The following SLC45A4 variants were observed in gnomAD, a reference collection of about 807,000 sequenced individuals.
The protein encoded by SLC45A4 is polyamine-transporter SLC45A4.
Under a neutral mutation model 63.7 loss-of-function variants are expected in SLC45A4, and 32 were observed. The observed-to-expected ratio is 0.50, with a 90% CI of 0.38 to 0.67. SLC45A4 has a LOEUF of 0.67. Among genes scored for constraint, SLC45A4 ranks in the 30% least tolerant of loss-of-function variants. The pLI is 0.00. For missense variants in SLC45A4, 1,027 were observed against 1,157.7 expected (o/e 0.89, Z 1.64); for synonymous variants, 535 against 510.0 (o/e 1.05, Z -0.66).
chr8:141,297,706 T>C (rs1256396642), intron 1 of SLC45A4, among the ~76,000 whole-genome samples: 1 of 152,244 alleles, frequency 6.6e-6, no homozygotes. Context: ...CTGTGGACTT[T>C]CCATTTGCAG....
In SLC45A4 at chr8:141,221,547, G is replaced by C. The variant is rs752019116; in HGVS notation, c.430+30C>G. On this transcript the variant is annotated intron_variant, in intron 3 of 8. Coordinates refer to ENST00000517878, the MANE Select transcript of SLC45A4 (RefSeq NM_001286646.2). Reference sequence around the variant, plus strand: ...AGGGCCAGGACCCCGTCTGTGTTGTGAGGACACCAGGTGTGGCCGAGAAAC... The same window carrying C: ...AGGGCCAGGACCCCGTCTGTGTTGTCAGGACACCAGGTGTGGCCGAGAAAC... 3 of 1,602,108 alleles carry C rather than the reference G, an allele frequency of 1.9e-6. No individual in the cohort carries two copies. The South Asian group carries it at 3.3e-5, about 18-fold the overall frequency.
intron 1 of SLC45A4, among the ~76,000 whole-genome samples, chr8:141,268,550 G>A (rs1453948073): frequency 2.0e-5 from 3 of 152,114 alleles, no homozygotes; most frequent in African/African-American, 4.8e-5. Flanking sequence ...TGGGGGCAGG[G>A]GCACACGGGA....
chr8:141,281,046 G>A (rs914778520), intron 1 of SLC45A4, among the ~76,000 whole-genome samples: 1 of 152,236 alleles, frequency 6.6e-6, no homozygotes, highest in Non-Finnish European at 1.5e-5. Flanking sequence ...TTAAAAGTCT[G>A]AATCAGTCTC....
intron 2 of SLC45A4, among the ~76,000 whole-genome samples, chr8:141,238,994 G>A (rs1055624228): frequency 2.0e-5 from 3 of 152,222 alleles, no homozygotes; most frequent in African/African-American, 7.2e-5. Context: ...ATCCGAGTTA[G>A]TATAGGGAGG....
chr8:141,221,385 C>T (rs1034800353), intron 3 of SLC45A4, among the ~76,000 whole-genome samples, 192 bp downstream of exon 3: 26 of 152,388 alleles, frequency 1.7e-4, no homozygotes, highest in African/African-American at 5.0e-4. Context: ...CAGGTTCCTC[C>T]GGCTTTCCCA....
intron 2 of SLC45A4, chr8:141,228,088 C>T: frequency 1.3e-6 from 2 of 1,493,860 alleles, no homozygotes; most frequent in South Asian, 2.3e-5. Flanking sequence ...TGGAGTGGAG[C>T]TGTTGGGTGC....
intron 1 of SLC45A4, among the ~76,000 whole-genome samples, chr8:141,305,142 AC>A (rs1830861266): frequency 6.6e-6 from 1 of 152,206 alleles, no homozygotes; most frequent in Non-Finnish European, 1.5e-5. Flanking sequence ...GGAAAAGGCC[AC>A]TAGAAGCACA....
chr8:141,221,896 T>A, intron 2 of SLC45A4, 131 bp from the exon 3 acceptor site: 1 of 937,440 alleles, frequency 1.1e-6, no homozygotes, highest in Non-Finnish European at 1.6e-6. Context: ...GCTCAGGTTG[T>A]CTCCACGGGG....
intron 1 of SLC45A4, among the ~76,000 whole-genome samples, chr8:141,271,351 A>G (rs182314973): frequency 2.6e-5 from 4 of 152,216 alleles, no homozygotes; most frequent in Admixed American, 2.0e-4. Context: ...TCTGGAAGCC[A>G]TTTTTCCATC....
intron 1 of SLC45A4, among the ~76,000 whole-genome samples, chr8:141,290,562 G>A (rs571093128): frequency 7.9e-5 from 12 of 152,300 alleles, no homozygotes; most frequent in African/African-American, 1.9e-4. Context: ...CTGCAAATTC[G>A]GCCAGTTTCG....
At chr8:141,223,251 G>T (rs1313767112) in intron 2 of SLC45A4, among the ~76,000 whole-genome samples, 2 of 152,208 alleles carry the variant, frequency 1.3e-5, no homozygotes, top group African/African-American at 4.8e-5. Flanking sequence ...TTCCTACTCG[G>T]AGTCAGCAGA....
At chr8:141,219,121 G>A (rs918188954) in intron 4 of SLC45A4, 92 bp from the exon 5 acceptor site, 25 of 1,435,210 alleles carry the variant, frequency 1.7e-5, no homozygotes, top group Non-Finnish European at 2.1e-5. Flanking sequence ...ACAGGGGGCC[G>A]GGGCTGCCCT....
At chr8:141,217,928 G>GC in intron 5 of SLC45A4, 83 bp downstream of exon 5, 3 of 1,454,540 alleles carry the variant, frequency 2.1e-6, no homozygotes, top group Non-Finnish European at 2.7e-6. Context: ...CGAGGAAGAG[G>GC]CCCCCCGGCC....
At chr8:141,280,792 C>T (rs1342104575) in intron 1 of SLC45A4, among the ~76,000 whole-genome samples, 1 of 152,250 alleles carries the variant, frequency 6.6e-6, no homozygotes, top group African/African-American at 2.4e-5. Context: ...AACTGGAATC[C>T]TCCCCAACAG....
chr8:141,221,200 A>C (rs1403756991), intron 3 of SLC45A4, among the ~76,000 whole-genome samples: 3 of 152,286 alleles, frequency 2.0e-5, no homozygotes, highest in Non-Finnish European at 4.4e-5. Flanking sequence ...AGAAAACAAC[A>C]ACCAAGAAGG....
intron 3 of SLC45A4, among the ~76,000 whole-genome samples, chr8:141,220,151 C>A (rs1826514945): frequency 6.6e-6 from 1 of 152,228 alleles, no homozygotes; most frequent in South Asian, 2.1e-4. Context: ...CAGAGGACGG[C>A]TGCTGTGCTG....
At position 141,215,906 on chromosome 8, in the gene SLC45A4, C is replaced by T. The variant is rs759950135; in HGVS notation, c.1794G>A (p.Thr598=). The part of the protein sequence containing the change: ...LSVRVIYVLG[T]LGFSVGTAVM... Reference sequence around the variant, plus strand: ...CGGCTGTGCCGACAGAGAAGCCCAGCGTCCCCAGCACGTAGATCACCCTGA... The same window carrying T: ...CGGCTGTGCCGACAGAGAAGCCCAGTGTCCCCAGCACGTAGATCACCCTGA... Residue 598 remains threonine, a synonymous_variant, in exon 7 of 9, where the codon ACG becomes ACA. Transcript: ENST00000517878. The surrounding 1 kb of genome is among the most constrained non-coding windows in gnomAD (Gnocchi z 4.3). 16 of 1,614,104 alleles carry T rather than the reference C, an allele frequency of 9.9e-6. No individual in the cohort carries two copies. The highest frequency in any genetic ancestry group is 8.9e-5 in the East Asian group (4 of 44,892).
rs1482438728 is a variant in SLC45A4, at chr8:141,256,788, T to C, written c.-400-2159A>G. On this transcript the variant is annotated intron_variant, in intron 1 of 8. Transcript: ENST00000517878. This position sits in a 1 kb window ranked among gnomAD's most constrained non-coding sequence, Gnocchi z 4.3. ...CCAAATGTCCTCTACCGTAGAAACATCTCAATTAAAACAAGAGTTTCCAAA... is the reference window on the plus strand; with the variant it reads ...CCAAATGTCCTCTACCGTAGAAACACCTCAATTAAAACAAGAGTTTCCAAA... 8.5e-6 allele frequency: 3 copies of C among 354,022 alleles called. No homozygotes were observed. The highest frequency in any genetic ancestry group is 6.4e-5 in the African/African-American group (3 of 46,730). The allele number at this position is 354,022 out of a possible 1,614,324, so 21.9% of individuals were successfully genotyped here.
At chr8:141,305,192 G>T (rs1830862196) in intron 1 of SLC45A4, among the ~76,000 whole-genome samples, 1 of 152,158 alleles carries the variant, frequency 6.6e-6, no homozygotes, top group African/African-American at 2.4e-5. Flanking sequence ...CTTGTTCATT[G>T]ATTTTGGTGG....
Sources: allele counts gnomAD v4.1 joint callset (sites outside exome capture counted in the v4.1 genomes callset), GRCh38; gene constraint gnomAD v4.1.1; non-coding constraint Gnocchi (gnomAD v3.1); transcripts MANE v1.5; gene names NCBI Gene and HGNC (gene_info 2026-07-23, HGNC 2026-07-21).